The following MTA3 variants were observed in gnomAD, a reference collection of about 807,000 sequenced individuals.
MTA3 encodes the protein metastasis associated 1 family member 3, also known as metastasis-associated protein MTA3.
In MTA3, 34 loss-of-function variants were observed where a neutral mutation model predicts 83.5. The ratio of observed to expected loss-of-function variants is 0.41; its 90% CI spans 0.31 to 0.54. The LOEUF is 0.54. Ranked by LOEUF, MTA3 falls within the 20% of genes least tolerant of loss-of-function variation. The pLI, the probability that MTA3 is intolerant of heterozygous loss-of-function variation, is 0.33. For missense variants in MTA3, 761 were observed against 726.4 expected (o/e 1.05, Z -0.55); for synonymous variants, 303 against 252.7 (o/e 1.20, Z -1.89).
intron 11 of MTA3, chr2:42,702,928 C>G (rs556402119): frequency 6.6e-6 from 1 of 152,352 alleles, no homozygotes; most frequent in East Asian, 1.9e-4. Flanking sequence ...GGGAAATTTG[C>G]ATATACACTT....
intron 16 of MTA3, among the ~76,000 whole-genome samples, chr2:42,740,683 A>AT (rs1445872658): frequency 6.6e-6 from 1 of 152,088 alleles, no homozygotes; most frequent in African/African-American, 2.4e-5. Context: ...TCATATTTTG[A>AT]TTTTTTTTCC....
Position 42,739,749 on chromosome 2 carries a change from T to G in MTA3, c.1760-13625T>G, listed in dbSNP as rs150642636. On this transcript the variant is annotated intron_variant, in intron 16 of 16. Transcript: ENST00000405094. ...CAAACTCTGCTGCTGCTTTACCAAC[T>G]AAGTTTATGTAATATTCTAAGTCCT... Among the ~76,000 whole-genome samples the G allele has an allele frequency of 3.5e-4, 53 of 150,918 alleles. No homozygotes were observed. The East Asian group carries it at 0.01, about 29-fold the overall frequency.
chr2:42,637,051 C>G (rs1687274393), intron 4 of MTA3, among the ~76,000 whole-genome samples: 1 of 152,192 alleles, frequency 6.6e-6, no homozygotes, highest in South Asian at 2.1e-4. Context: ...GTAGCAGATT[C>G]CAGGCTGATC....
chr2:42,587,128 G>A (rs536696330), intron 3 of MTA3, among the ~76,000 whole-genome samples: 20 of 152,280 alleles, frequency 1.3e-4, no homozygotes, highest in African/African-American at 4.8e-4. Context: ...AGGAGGCGGA[G>A]GTTGCAGTGA....
rs146921280 is a variant in MTA3, at chr2:42,745,824, C to CTTTTTTTTTT, written c.1760-7542_1760-7541insTTTTTTTTTT. 1.4e-4 allele frequency among the ~76,000 whole-genome samples: 17 copies of CTTTTTTTTTT among 119,364 alleles called. 1 individual carries two copies. Among genetic ancestry groups the CTTTTTTTTTT allele is most frequent in the South Asian group, 3.1e-4 (1 of 3,268 alleles). The allele number at this position is 119,364 out of a possible 152,430, so 78.3% of individuals were successfully genotyped here. A position where few individuals can be genotyped will look rare whatever the true frequency, so the allele number is the denominator to read the frequency against. ...TTTTATGTCCTTTTGAAATAGTCCTCTTTTTTTTGAGACAGAGTCTCGCTC... is the reference window on the plus strand; with the variant it reads ...TTTTATGTCCTTTTGAAATAGTCCTCTTTTTTTTTTTTTTTTTTGAGACAGAGTCTCGCTC... On this transcript the variant is annotated intron_variant, in intron 16 of 16. Coordinates refer to ENST00000405094, the MANE Select transcript of MTA3 (RefSeq NM_001330442.2).
intron 8 of MTA3, among the ~76,000 whole-genome samples, chr2:42,681,380 A>G (rs1439185658): frequency 1.3e-5 from 2 of 152,212 alleles, no homozygotes; most frequent in Non-Finnish European, 2.9e-5. Context: ...GTCTTAGTAC[A>G]TGATTCCTCA....
intron 2 of MTA3, among the ~76,000 whole-genome samples, chr2:42,500,574 G>A (rs1431538022): frequency 6.6e-6 from 1 of 151,996 alleles, no homozygotes; most frequent in African/African-American, 2.4e-5. Flanking sequence ...AAGAAAAAAC[G>A]TAAAAGTTCT....
At position 42,579,060 on chromosome 2, in the gene MTA3, G is replaced by T; in HGVS notation, c.97-47G>T. On this transcript the variant is annotated intron_variant, in intron 2 of 16. Coordinates refer to ENST00000405094, the MANE Select transcript of MTA3 (RefSeq NM_001330442.2). ...TCTAGTTTCGTTGTATAAATTATTTGACTCTAATATTCAGTGCAAATGACT... is the reference window on the plus strand; with the variant it reads ...TCTAGTTTCGTTGTATAAATTATTTTACTCTAATATTCAGTGCAAATGACT... The T allele has an allele frequency of 3.1e-6, 4 of 1,280,194 alleles. No homozygotes were observed. In the South Asian group the frequency reaches 5.5e-5, roughly 18 times the overall value. The allele number at this position is 1,280,194 out of a possible 1,614,324, so 79.3% of individuals were successfully genotyped here.
intron 15 of MTA3, among the ~76,000 whole-genome samples, chr2:42,720,155 C>CTTTA (rs71410129): frequency 0.63 from 93,587 of 147,484 alleles, 30,643 homozygotes; most frequent in African/African-American, 0.78. Flanking sequence ...TTATTCCTTG[C>CTTTA]TTTATTTATT....
intron 3 of MTA3, among the ~76,000 whole-genome samples, chr2:42,583,572 C>T (rs767367131): frequency 7.2e-5 from 11 of 152,148 alleles, no homozygotes; most frequent in African/African-American, 2.4e-4. Context: ...CTTGCTCTAT[C>T]GCTCAGGCTG....
chr2:42,734,265 C>A (rs575457071), intron 16 of MTA3, among the ~76,000 whole-genome samples: 1 of 149,406 alleles, frequency 6.7e-6, no homozygotes, highest in Non-Finnish European at 1.5e-5. Context: ...GAATTGACCC[C>A]TTTATCATTA....
intron 12 of MTA3, 80 bp downstream of exon 12, chr2:42,704,398 G>A: frequency 6.4e-7 from 1 of 1,554,994 alleles, no homozygotes; most frequent in Non-Finnish European, 8.8e-7. Context: ...AAGTGCCTGA[G>A]GTCAGTACGG....
At chr2:42,517,890 G>T (rs1232052854) in intron 2 of MTA3, among the ~76,000 whole-genome samples, 4 of 137,972 alleles carry the variant, frequency 2.9e-5, no homozygotes, top group African/African-American at 1.1e-4. Flanking sequence ...AAGAAGAAAA[G>T]AAAATACAGT....
At chr2:42,538,075 T>C (rs1451658621) in intron 2 of MTA3, among the ~76,000 whole-genome samples, 1 of 151,440 alleles carries the variant, frequency 6.6e-6, no homozygotes, top group East Asian at 2.0e-4. Context: ...TACTAAAAAA[T>C]ACAAAAAATC....
intron 2 of MTA3, among the ~76,000 whole-genome samples, chr2:42,560,179 C>G (rs142691937): frequency 6.6e-6 from 1 of 152,004 alleles, no homozygotes; most frequent in Non-Finnish European, 1.5e-5. Flanking sequence ...CACGCCACCA[C>G]GCCCGGCTAA....
chr2:42,647,596 T>C lies in MTA3; in HGVS notation c.499+3352T>C, dbSNP rs550808388. On this transcript the variant is annotated intron_variant, in intron 6 of 16. Transcript: ENST00000405094. Reference sequence around the variant, plus strand: ...TTTTAACCAGAAACAAGGAATGCCTTTCCTTTCTTCAAGGCTACTTCTGGG... The same window carrying C: ...TTTTAACCAGAAACAAGGAATGCCTCTCCTTTCTTCAAGGCTACTTCTGGG... Among the ~76,000 whole-genome samples the C allele has an allele frequency of 2.0e-5, 3 of 151,652 alleles. No homozygotes were observed. The East Asian group carries it at 5.9e-4, about 30-fold the overall frequency.
chr2:42,656,125 T>G lies in MTA3; in HGVS notation c.500-75T>G. Reference sequence around the variant, plus strand: ...CACATAAACATTTCTAATGCTATGGTGACAGTTGTCATCAGTGGTATGAGA... The same window carrying G: ...CACATAAACATTTCTAATGCTATGGGGACAGTTGTCATCAGTGGTATGAGA... On this transcript the variant is annotated intron_variant, in intron 6 of 16. Transcript: ENST00000405094. 1.2e-5 allele frequency: 13 copies of G among 1,105,924 alleles called. No individual in the cohort carries two copies. In the South Asian group the frequency reaches 1.6e-4, roughly 14 times the overall value. The allele number at this position is 1,105,924 out of a possible 1,614,324, so 68.5% of individuals were successfully genotyped here.
At chr2:42,556,938 C>A (rs1344350808) in intron 2 of MTA3, among the ~76,000 whole-genome samples, 1 of 152,164 alleles carries the variant, frequency 6.6e-6, no homozygotes, top group African/African-American at 2.4e-5. Context: ...CAGGAGCCAG[C>A]CAAGATCAAG....
intron 2 of MTA3, among the ~76,000 whole-genome samples, chr2:42,496,908 C>A (rs1674162361): frequency 6.6e-6 from 1 of 152,184 alleles, no homozygotes; most frequent in African/African-American, 2.4e-5. Flanking sequence ...TTCCCAAATT[C>A]AAAAACCTGA....
Sources: allele counts gnomAD v4.1 joint callset (sites outside exome capture counted in the v4.1 genomes callset), GRCh38; gene constraint gnomAD v4.1.1; transcripts MANE v1.5; gene names NCBI Gene and HGNC (gene_info 2026-07-23, HGNC 2026-07-21).